TULP3: variants seen among roughly 807,000 people sequenced by gnomAD.
The protein encoded by TULP3 is TUB like protein 3, also known as tubby-related protein 3.
Under a neutral mutation model 50.7 loss-of-function variants are expected in TULP3, and 38 were observed. The ratio of observed to expected loss-of-function variants is 0.75; its 90% CI spans 0.58 to 0.98. The LOEUF is 0.98. Ranked by LOEUF, TULP3 falls within the 50% of genes least tolerant of loss-of-function variation. The pLI, the probability that TULP3 is intolerant of heterozygous loss-of-function variation, is 0.00. For missense variants in TULP3, 550 were observed against 568.0 expected (o/e 0.97, Z 0.32); for synonymous variants, 183 against 196.6 (o/e 0.93, Z 0.58).
intron 1 of TULP3, among the ~76,000 whole-genome samples, chr12:2,892,265 T>G (rs2098172579): frequency 1.3e-5 from 2 of 151,520 alleles, no homozygotes; most frequent in Non-Finnish European, 2.9e-5. Flanking sequence ...TCACTGTGCT[T>G]TTTTTTTTCC....
In TULP3 at chr12:2,939,010, T is replaced by C. The variant is rs185718850; in HGVS notation, c.1196-301T>C. On this transcript the variant is annotated intron_variant, in intron 10 of 10. Transcript: ENST00000448120. This position sits in a 1 kb window ranked among gnomAD's most constrained non-coding sequence, Gnocchi z 4.0. ...GGGAGGCCGAGGCAGGAGAATCACTTGAGCCTAGGTGTTTGAGACCAGCTT... is the reference window on the plus strand; with the variant it reads ...GGGAGGCCGAGGCAGGAGAATCACTCGAGCCTAGGTGTTTGAGACCAGCTT... Among the ~76,000 whole-genome samples, 1 of 152,166 alleles carries C rather than the reference T, an allele frequency of 6.6e-6. No individual in the cohort carries two copies. The highest frequency in any genetic ancestry group is 1.5e-5 in the Non-Finnish European group (1 of 68,026).
chr12:2,896,599 G>A (rs1223611210), intron 1 of TULP3, among the ~76,000 whole-genome samples: 2 of 152,116 alleles, frequency 1.3e-5, no homozygotes, highest in South Asian at 2.1e-4. Context: ...CCTGTGATGT[G>A]TAGAAAATAA....
intron 1 of TULP3, among the ~76,000 whole-genome samples, chr12:2,893,104 C>T (rs1472288241): frequency 6.6e-6 from 1 of 151,826 alleles, no homozygotes; most frequent in Non-Finnish European, 1.5e-5. Context: ...CTCAAGTGAT[C>T]TGCCTGCCTC....
chr12:2,914,411 A>G (rs371840189), intron 2 of TULP3, among the ~76,000 whole-genome samples: 91 of 152,282 alleles, frequency 6.0e-4, no homozygotes, highest in Middle Eastern at 6.8e-3. Context: ...GGCATGAGCT[A>G]CCACTCCCAG....
At chr12:2,916,786 A>T (rs2098188925) in intron 2 of TULP3, among the ~76,000 whole-genome samples, 1 of 152,244 alleles carries the variant, frequency 6.6e-6, no homozygotes, top group African/African-American at 2.4e-5. Flanking sequence ...TTGCACATAT[A>T]TGTTTAATGG....
Position 2,933,517 on chromosome 12 carries a change from G to C in TULP3, c.796G>C (p.Val266Leu). The C allele has an allele frequency of 6.2e-7, 1 of 1,612,962 alleles. No individual in the cohort carries two copies. Among genetic ancestry groups the C allele is most frequent in the Non-Finnish European group, 8.5e-7 (1 of 1,179,126 alleles). Residue 266 changes from valine to leucine, a missense_variant, in exon 7 of 11, where the codon GTC (valine) becomes CTC (leucine). By Grantham distance (32) the Val-to-Leu change is conservative. Transcript: ENST00000448120. ...TTTATCTCGTGAAGGAGAAAGTTAT[G>C]TCGGCAAGCTTAGGTGAAAGCAACC... ...VDLSREGESY[V>L]GKLRSNLMGT...
At chr12:2,927,460 G>A (rs2098195371) in intron 4 of TULP3, among the ~76,000 whole-genome samples, 3 of 143,850 alleles carry the variant, frequency 2.1e-5, no homozygotes, top group Non-Finnish European at 4.5e-5. Flanking sequence ...TCTGCTTCCT[G>A]GGTTCAAGGG....
intron 2 of TULP3, among the ~76,000 whole-genome samples, chr12:2,915,757 G>A (rs2098188286): frequency 6.6e-6 from 1 of 151,846 alleles, no homozygotes; most frequent in Non-Finnish European, 1.5e-5. Flanking sequence ...TGTTGGCCAG[G>A]ATGGTTTCAA....
intron 1 of TULP3, among the ~76,000 whole-genome samples, chr12:2,905,786 T>C (rs1332673071): frequency 2.0e-5 from 3 of 151,952 alleles, no homozygotes; most frequent in Admixed American, 2.0e-4. Flanking sequence ...AGAGAAACGT[T>C]TGAAAACTTT....
intron 4 of TULP3, among the ~76,000 whole-genome samples, chr12:2,929,271 C>T (rs555191619): frequency 6.6e-6 from 1 of 150,648 alleles, no homozygotes; most frequent in Non-Finnish European, 1.5e-5. Flanking sequence ...GAGTCGAGAT[C>T]GCGCCACTGC....
chr12:2,923,548 G>T (rs2098192992), intron 4 of TULP3, among the ~76,000 whole-genome samples: 2 of 152,110 alleles, frequency 1.3e-5, no homozygotes, highest in Non-Finnish European at 2.9e-5. Flanking sequence ...CTACTCTGGA[G>T]GCTGAGGCAG....
At chr12:2,923,449 A>G (rs1438914946) in intron 4 of TULP3, among the ~76,000 whole-genome samples, 1 of 152,040 alleles carries the variant, frequency 6.6e-6, no homozygotes, top group Non-Finnish European at 1.5e-5. Flanking sequence ...GAAGGTCTAG[A>G]GTTTGAGACC....
intron 3 of TULP3, 93 bp from the exon 4 acceptor site, chr12:2,922,169 T>C (rs2098192161): frequency 1.4e-6 from 2 of 1,400,608 alleles, no homozygotes; most frequent in African/African-American, 2.9e-5. Flanking sequence ...AATGATTTGG[T>C]AGTTCTTAAT....
chr12:2,937,987 A>G (rs1277764858), intron 9 of TULP3, 127 bp from the exon 10 acceptor site: 1 of 1,107,292 alleles, frequency 9.0e-7, no homozygotes, highest in Admixed American at 2.5e-5. Context: ...ACCTGTCTTC[A>G]TTGTTGGCTT....
At chr12:2,910,494 T>C (rs1436884067) in intron 2 of TULP3, among the ~76,000 whole-genome samples, 2 of 152,230 alleles carry the variant, frequency 1.3e-5, no homozygotes, top group Non-Finnish European at 2.9e-5. Context: ...CGGTTTTGTG[T>C]TGTTACATGC....
Position 2,909,587 on chromosome 12 carries a change from A to G in TULP3, c.93+7A>G. On this transcript the variant is annotated splice_region_variant and intron_variant, in intron 2 of 10. Coordinates refer to ENST00000448120, the MANE Select transcript of TULP3 (RefSeq NM_003324.5). ...GGCTAAGCTGGATTATCAGGTGAGC[A>G]GAGTCTCCTCTTTTGAAATAGGTGG... 6.3e-7 allele frequency: 1 copy of G among 1,583,500 alleles called. No individual in the cohort carries two copies.
At chr12:2,909,385 G>A in intron 1 of TULP3, 144 bp from the exon 2 acceptor site, 1 of 676,900 alleles carries the variant, frequency 1.5e-6, no homozygotes, top group Non-Finnish European at 2.4e-6. Flanking sequence ...TGTAGCCAGT[G>A]TGGGTAGCCT....
chr12:2,912,862 G>A (rs1317544444), intron 2 of TULP3, among the ~76,000 whole-genome samples: 1 of 152,148 alleles, frequency 6.6e-6, no homozygotes, highest in African/African-American at 2.4e-5. Flanking sequence ...CACCTCTTCT[G>A]AAGGGATATA....
At chr12:2,916,551 A>G (rs1445908380) in intron 2 of TULP3, among the ~76,000 whole-genome samples, 1 of 152,184 alleles carries the variant, frequency 6.6e-6, no homozygotes, top group Non-Finnish European at 1.5e-5. Context: ...TTTTAATTGC[A>G]TTTAGGGCAT....
Sources: allele counts gnomAD v4.1 joint callset (sites outside exome capture counted in the v4.1 genomes callset), GRCh38; gene constraint gnomAD v4.1.1; non-coding constraint Gnocchi (gnomAD v3.1); transcripts MANE v1.5; gene names NCBI Gene and HGNC (gene_info 2026-07-23, HGNC 2026-07-21).